The following ROBO2 variants were observed in gnomAD, a reference collection of about 807,000 sequenced individuals.
ROBO2 encodes the protein roundabout homolog 2.
In ROBO2, 53 loss-of-function variants were observed where a neutral mutation model predicts 160.8. The observed-to-expected ratio is 0.33, with a 90% CI of 0.26 to 0.41. The LOEUF (loss-of-function observed/expected upper bound fraction) is 0.41, where lower values mean the gene tolerates loss of function less well. Ranked by LOEUF, ROBO2 falls within the 10% of genes least tolerant of loss-of-function variation. ROBO2 has a pLI of 1.00. For missense variants in ROBO2, 1,577 were observed against 1,722.4 expected, an observed-to-expected ratio of 0.92 and a Z score of 1.49; for synonymous variants, 664 against 611.7, an observed-to-expected ratio of 1.09 and a Z score of -1.26.
At chr3:77,516,852 A>G (rs1479983781) in intron 5 of ROBO2, among the ~76,000 whole-genome samples, 2 of 151,688 alleles carry the variant, frequency 1.3e-5, no homozygotes, top group African/African-American at 2.4e-5. Flanking sequence ...AGTACTGCAT[A>G]TAATTGTTGC....
At chr3:76,666,255 C>T (rs975789454) in intron 2 of ROBO2, among the ~76,000 whole-genome samples, 16 of 151,838 alleles carry the variant, frequency 1.1e-4, no homozygotes, top group African/African-American at 3.1e-4. Context: ...ATAACAGCTA[C>T]GATTTTTCAG....
At chr3:77,455,709 C>T (rs536152058) in intron 2 of ROBO2, among the ~76,000 whole-genome samples, 2 of 150,814 alleles carry the variant, frequency 1.3e-5, no homozygotes, top group South Asian at 2.1e-4. Context: ...GGATTACAGG[C>T]GTGAGCCACC....
intron 2 of ROBO2, among the ~76,000 whole-genome samples, chr3:75,994,057 G>C (rs1428369235): frequency 6.6e-6 from 1 of 152,126 alleles, no homozygotes; most frequent in Non-Finnish European, 1.5e-5. Context: ...TAAAGAAAGG[G>C]ACAGCCAAGC....
intron 16 of ROBO2, among the ~76,000 whole-genome samples, chr3:77,582,720 T>C (rs1287385267): frequency 6.6e-6 from 1 of 152,176 alleles, no homozygotes; most frequent in Middle Eastern, 3.2e-3. Flanking sequence ...CTTTTACTTC[T>C]ATGTAATAAA....
chr3:75,929,091 GA>G (rs1268368741), intron 1 of ROBO2, among the ~76,000 whole-genome samples: 1 of 116,338 alleles, frequency 8.6e-6, no homozygotes, highest in Non-Finnish European at 1.7e-5. Context: ...TGTGTGTGTG[GA>G]GGGGGGGTAG....
At chr3:76,670,014 G>A (rs1293375685) in intron 2 of ROBO2, among the ~76,000 whole-genome samples, 1 of 152,070 alleles carries the variant, frequency 6.6e-6, no homozygotes, top group Non-Finnish European at 1.5e-5. Context: ...TTGTATTGAT[G>A]CAATTAAAGC....
chr3:76,018,181 T>C (rs764783915), intron 2 of ROBO2, among the ~76,000 whole-genome samples: 11 of 151,998 alleles, frequency 7.2e-5, no homozygotes, highest in Non-Finnish European at 1.5e-4. Flanking sequence ...TATCTCTAGA[T>C]ATACATAGAT....
chr3:76,507,321 G>A (rs2080849069), intron 2 of ROBO2, among the ~76,000 whole-genome samples: 1 of 151,870 alleles, frequency 6.6e-6, no homozygotes, highest in South Asian at 2.1e-4. Context: ...AATTTGATTA[G>A]GTTTTATAAT....
chr3:76,464,310 C>T lies in ROBO2; in HGVS notation c.109+526708C>T, dbSNP rs528783529. The stretch of plus-strand genomic sequence containing the variant: ...CACTGGAAAGGCAACACCTCTACTC[C>T]CAAGACATACAATTGATGTGAAAAC... On this transcript the variant is annotated intron_variant, in intron 2 of 26. Transcript: ENST00000487694. Among the ~76,000 whole-genome samples, 41 of 152,194 alleles carry T rather than the reference C, an allele frequency of 2.7e-4. No homozygotes were observed. The South Asian group carries it at 7.1e-3, about 26-fold the overall frequency.
intron 2 of ROBO2, among the ~76,000 whole-genome samples, chr3:75,974,996 A>C (rs1159858107): frequency 6.6e-6 from 1 of 151,574 alleles, no homozygotes; most frequent in African/African-American, 2.4e-5. Flanking sequence ...AATATAAATA[A>C]TAACAAGTAA....
chr3:76,595,211 C>A (rs1400067652), intron 2 of ROBO2, among the ~76,000 whole-genome samples: 2 of 151,826 alleles, frequency 1.3e-5, no homozygotes, highest in Non-Finnish European at 2.9e-5. Flanking sequence ...GTCATAGCAA[C>A]CCAAACAGAC....
chr3:77,044,959 T>C (rs1037843083), intron 1 of ROBO2, among the ~76,000 whole-genome samples: 1 of 152,178 alleles, frequency 6.6e-6, no homozygotes, highest in Non-Finnish European at 1.5e-5. Context: ...CTCCTTCTTC[T>C]CTTCTTTTTT....
At chr3:76,104,673 T>C (rs1039382342) in intron 2 of ROBO2, among the ~76,000 whole-genome samples, 1 of 152,192 alleles carries the variant, frequency 6.6e-6, no homozygotes, top group Non-Finnish European at 1.5e-5. Flanking sequence ...AAGGACACTA[T>C]CACACATTTT....
At chr3:77,113,084 C>T (rs888242846) in intron 2 of ROBO2, among the ~76,000 whole-genome samples, 3 of 152,068 alleles carry the variant, frequency 2.0e-5, no homozygotes, top group Non-Finnish European at 4.4e-5. Flanking sequence ...GAAAAAATCC[C>T]GTTTGTGCAT....
chr3:76,425,542 CTG>C (rs1436997541), intron 2 of ROBO2, among the ~76,000 whole-genome samples: 1 of 144,484 alleles, frequency 6.9e-6, no homozygotes, highest in African/African-American at 2.5e-5. Context: ...GTGTGTGTGT[CTG>C]TGTGTTCTTC....
At chr3:77,388,056 G>A (rs1343978108) in intron 2 of ROBO2, among the ~76,000 whole-genome samples, 4 of 151,894 alleles carry the variant, frequency 2.6e-5, no homozygotes, top group South Asian at 4.2e-4. Flanking sequence ...TACCCCTGCC[G>A]AGTGGTCAGA....
intron 2 of ROBO2, among the ~76,000 whole-genome samples, chr3:76,194,783 C>A (rs2107206611): frequency 6.6e-6 from 1 of 152,196 alleles, no homozygotes; most frequent in South Asian, 2.1e-4. Flanking sequence ...CCACGCCCAG[C>A]TAACTTTTGT....
intron 2 of ROBO2, among the ~76,000 whole-genome samples, chr3:76,176,418 A>G (rs1397621930): frequency 1.3e-5 from 2 of 152,172 alleles, no homozygotes; most frequent in Non-Finnish European, 2.9e-5. Context: ...GTTCATAGAA[A>G]TTTTGTGGAT....
intron 2 of ROBO2, among the ~76,000 whole-genome samples, chr3:76,271,613 A>G (rs1422024846): frequency 1.3e-5 from 2 of 151,466 alleles, no homozygotes; most frequent in Non-Finnish European, 2.9e-5. Flanking sequence ...GAATCTCCCA[A>G]TCTTCTCTTT....
Sources: gnomAD v4.1 joint callset for allele counts (sites outside exome capture counted in the v4.1 genomes callset) on GRCh38, gnomAD v4.1.1 for gene constraint, MANE v1.5 for transcripts, NCBI Gene and HGNC (gene_info 2026-07-23, HGNC 2026-07-21) for gene names.